NXN: variants seen among roughly 807,000 people sequenced by gnomAD.
NXN encodes nucleoredoxin, also known as nucleoredoxin 1.
NXN carries 16 observed loss-of-function variants against 48.6 expected under a neutral mutation model. That is an observed-to-expected ratio of 0.33 (90% CI 0.22 to 0.50). The LOEUF (loss-of-function observed/expected upper bound fraction) is 0.50, where lower values mean the gene tolerates loss of function less well. Ranked by LOEUF, NXN falls within the 20% of genes least tolerant of loss-of-function variation. The pLI, the probability that NXN is intolerant of heterozygous loss-of-function variation, is 0.98. For synonymous variants in NXN, 281 were observed against 269.6 expected (o/e 1.04, Z -0.41); for missense variants, 492 against 605.5 (o/e 0.81, Z 1.97).
intron 1 of NXN, among the ~76,000 whole-genome samples, chr17:918,391 CCTT>C (rs2068711016): frequency 6.6e-6 from 1 of 152,188 alleles, no homozygotes; most frequent in South Asian, 2.1e-4. Flanking sequence ...CGTTTCATCT[CCTT>C]CGTGAACTGG....
In NXN at chr17:969,760, G is replaced by A. The variant is rs140144837; in HGVS notation, c.360+9559C>T. Among the ~76,000 whole-genome samples the A allele has an allele frequency of 8.6e-5, 13 of 151,842 alleles. No homozygotes were observed. In the East Asian group the frequency reaches 2.5e-3, roughly 29 times the overall value. ...TCCAGATTTTTATCCCAGGCATATT[G>A]ACCAAAAAAAGACAAATTAAAAAAA... On this transcript the variant is annotated intron_variant, in intron 1 of 7. Transcript: ENST00000336868.
intron 1 of NXN, among the ~76,000 whole-genome samples, chr17:931,978 T>TG: frequency 1.3e-5 from 2 of 151,832 alleles, no homozygotes; most frequent in Admixed American, 6.6e-5. Flanking sequence ...ACCCCATCTC[T>TG]ACTAAGAATA....
At chr17:973,151 C>T (rs752757818) in intron 1 of NXN, among the ~76,000 whole-genome samples, 1 of 152,148 alleles carries the variant, frequency 6.6e-6, no homozygotes, top group Non-Finnish European at 1.5e-5. Context: ...GAGCTGTGGA[C>T]GGCTACTCAG....
Position 825,682 on chromosome 17 carries a change from C to T in NXN, c.478+279G>A. On this transcript the variant is annotated intron_variant, in intron 2 of 7. Transcript: ENST00000336868. The surrounding 1 kb of genome is among the most constrained non-coding windows in gnomAD (Gnocchi z 4.1). ...TCTGAGCTCTCCGCTTTCCCACAGC[C>T]TCTGCGGCCCTCCAAGCGGAGCTTC... The T allele has an allele frequency of 5.8e-6, 2 of 342,836 alleles. No homozygotes were observed. 21.2% of individuals were successfully genotyped at this position (342,836 alleles called of 1,614,324 possible).
intron 1 of NXN, among the ~76,000 whole-genome samples, chr17:841,486 CCT>C (rs1914241562): frequency 7.1e-6 from 1 of 141,252 alleles, no homozygotes; most frequent in Non-Finnish European, 1.6e-5. Context: ...GCAGGTCCCC[CCT>C]GACCACGGCG....
chr17:963,182 TA>T (rs146721381), intron 1 of NXN, among the ~76,000 whole-genome samples: 561 of 132,492 alleles, frequency 4.2e-3, no homozygotes, highest in Middle Eastern at 0.011. Flanking sequence ...AGGCTTGATT[TA>T]AAAAAAAAAA....
At chr17:966,504 C>T (rs180955485) in intron 1 of NXN, among the ~76,000 whole-genome samples, 2 of 152,028 alleles carry the variant, frequency 1.3e-5, no homozygotes, top group African/African-American at 2.4e-5. Context: ...TGCGCCACCA[C>T]GCCCGGCTAA....
At chr17:853,881 A>G (rs1358447577) in intron 1 of NXN, among the ~76,000 whole-genome samples, 2 of 151,266 alleles carry the variant, frequency 1.3e-5, no homozygotes, top group Non-Finnish European at 2.9e-5. Flanking sequence ...CCGCCACCAC[A>G]CGGCTAAGTT....
At chr17:869,166 C>T (rs2068125439) in intron 1 of NXN, among the ~76,000 whole-genome samples, 1 of 152,188 alleles carries the variant, frequency 6.6e-6, no homozygotes, top group African/African-American at 2.4e-5. Flanking sequence ...CATCTCACAT[C>T]CTGCCTCCTG....
chr17:925,938 T>C lies in NXN; in HGVS notation c.360+53381A>G, dbSNP rs1296857230. Among the ~76,000 whole-genome samples, 3 of 152,376 alleles carry C rather than the reference T, an allele frequency of 2.0e-5. No homozygotes were observed. In the South Asian group the frequency reaches 6.2e-4, roughly 32 times the overall value. On this transcript the variant is annotated intron_variant, in intron 1 of 7. Coordinates refer to ENST00000336868, the MANE Select transcript of NXN (RefSeq NM_022463.5). ...CTCTGGCTAAGAGCTATCACTTCTT[T>C]AGATAATCTTTGCTTTTTCTTCCCT...
intron 1 of NXN, among the ~76,000 whole-genome samples, chr17:904,918 T>C (rs764768882): frequency 6.6e-6 from 1 of 152,126 alleles, no homozygotes; most frequent in Non-Finnish European, 1.5e-5. Context: ...AGAGTCTGTA[T>C]GACATGAAGG....
intron 1 of NXN, among the ~76,000 whole-genome samples, chr17:967,756 G>A (rs1374823668): frequency 1.3e-5 from 2 of 152,178 alleles, no homozygotes; most frequent in African/African-American, 4.8e-5. Context: ...TGGATCACGA[G>A]GTCAGGAGAT....
chr17:835,206 G>T (rs578172161), intron 1 of NXN, among the ~76,000 whole-genome samples: 113 of 151,632 alleles, frequency 7.5e-4, no homozygotes, highest in African/African-American at 2.7e-3. Flanking sequence ...TACTCGGGAG[G>T]CTGAGGCAGG....
intron 1 of NXN, among the ~76,000 whole-genome samples, chr17:936,573 G>A (rs1381380063): frequency 6.6e-6 from 1 of 151,540 alleles, no homozygotes; most frequent in African/African-American, 2.4e-5. Context: ...CTTGGAGGAA[G>A]GGCAGGAGAG....
chr17:845,543 T>G (rs1485534515), intron 1 of NXN, among the ~76,000 whole-genome samples: 1 of 152,350 alleles, frequency 6.6e-6, no homozygotes. Context: ...CTCTCCCTCA[T>G]AAGACGAGGC....
chr17:808,965 C>T lies in NXN; in HGVS notation c.821-3718G>A, dbSNP rs933600289. ...CTGCTGGGATTACAGGTGTGAGGCA[C>T]CGCACCCAGCCATTATATTCTTTTA... On this transcript the variant is annotated intron_variant, in intron 5 of 7. Coordinates refer to ENST00000336868, the MANE Select transcript of NXN (RefSeq NM_022463.5). Among the ~76,000 whole-genome samples the T allele has an allele frequency of 2.0e-5, 3 of 152,156 alleles. No homozygotes were observed. In the South Asian group the frequency reaches 6.2e-4, roughly 32 times the overall value.
At chr17:868,042 G>A (rs963279203) in intron 1 of NXN, among the ~76,000 whole-genome samples, 2 of 152,166 alleles carry the variant, frequency 1.3e-5, no homozygotes, top group Admixed American at 6.5e-5. Flanking sequence ...GACACAGCAG[G>A]GACATGTGTT....
At chr17:973,526 T>C (rs1186185331) in intron 1 of NXN, among the ~76,000 whole-genome samples, 1 of 152,182 alleles carries the variant, frequency 6.6e-6, no homozygotes, top group Non-Finnish European at 1.5e-5. Context: ...CCAGGCTTCG[T>C]CGATCAGCAG....
At chr17:812,283 T>A (rs1912102414) in intron 5 of NXN, among the ~76,000 whole-genome samples, 1 of 152,054 alleles carries the variant, frequency 6.6e-6, no homozygotes, top group Non-Finnish European at 1.5e-5. Context: ...CATGACTCAA[T>A]CCACAAAATG....
Sources: gnomAD v4.1 joint callset for allele counts (sites outside exome capture counted in the v4.1 genomes callset) on GRCh38, gnomAD v4.1.1 for gene constraint, Gnocchi (gnomAD v3.1) non-coding constraint, MANE v1.5 for transcripts, NCBI Gene and HGNC (gene_info 2026-07-23, HGNC 2026-07-21) for gene names.